Variants in DMD observed in about 807,000 individuals in gnomAD.
DMD encodes mutant dystrophin.
In DMD, 63 loss-of-function variants were observed where a neutral mutation model predicts 330.1. The observed-to-expected ratio is 0.19, with a 90% confidence interval of 0.16 to 0.24. The LOEUF is 0.24. Among genes scored for constraint, DMD ranks in the 10% least tolerant of loss-of-function variants. The pLI is 1.00. For missense variants in DMD, 3,344 were observed against 2,684.1 expected, an observed-to-expected ratio of 1.25 and a Z score of -5.43; for synonymous variants, 1,223 against 959.8, an observed-to-expected ratio of 1.27 and a Z score of -5.07.
chrX:31,869,398 G>A (rs1298871365), intron 48 of DMD, among the ~76,000 whole-genome samples: 1 of 84,981 alleles, frequency 1.2e-5, no homozygotes, highest in Non-Finnish European at 2.3e-5. Context: ...CTTTGTAAAC[G>A]ACATGATTTT....
At position 32,113,554 on chromosome X, in the gene DMD, T is replaced by A. The variant is rs776366228; in HGVS notation, c.6438+103362A>T. ...AGAATGAAAGATGACATGACTCTGA[T>A]GACTTTTTCCATGCCCTATTTCCAG... is the stretch of plus-strand genomic sequence containing the variant. On this transcript the variant is annotated intron_variant, in intron 44 of 78. Coordinates refer to ENST00000357033, the MANE Select transcript of DMD (RefSeq NM_004006.3). Among the ~76,000 whole-genome samples the A allele has an allele frequency of 5.4e-5, 6 of 112,074 alleles. No individual in the cohort carries two copies. The South Asian group carries it at 1.9e-3, about 35-fold the overall frequency.
At chrX:32,693,296 T>A (rs1603086790) in intron 9 of DMD, among the ~76,000 whole-genome samples, 1 of 112,288 alleles carries the variant, frequency 8.9e-6, no homozygotes, top group Admixed American at 9.5e-5. Flanking sequence ...ACTAAAGAAC[T>A]GTAAAATAAT....
chrX:32,350,717 A>G (rs1358574616), intron 37 of DMD, among the ~76,000 whole-genome samples: 1 of 111,106 alleles, frequency 9.0e-6, no homozygotes, highest in African/African-American at 3.3e-5. Context: ...TATGCTATTT[A>G]TTTGCTGAAG....
intron 74 of DMD, among the ~76,000 whole-genome samples, chrX:31,154,190 A>G (rs953992795): frequency 9.8e-5 from 11 of 112,454 alleles, no homozygotes; most frequent in Non-Finnish European, 1.9e-4. Context: ...CCATAATGTT[A>G]GTTTTGATGC....
intron 26 of DMD, among the ~76,000 whole-genome samples, chrX:32,453,788 T>A (rs1288009942): frequency 9.0e-6 from 1 of 111,124 alleles, no homozygotes; most frequent in Non-Finnish European, 1.9e-5. Flanking sequence ...TAAACTCAAG[T>A]ATCTGGCTCC....
At position 31,430,540 on chromosome X, in the gene DMD, T is replaced by C. The variant is rs149708108; in HGVS notation, c.9084+13941A>G. Among the ~76,000 whole-genome samples the C allele has an allele frequency of 7.6e-3, 843 of 111,343 alleles. 8 individuals carry two copies. Among genetic ancestry groups the C allele is most frequent in the African/African-American group, 0.027 (813 of 30,643 alleles). On this transcript the variant is annotated intron_variant, in intron 60 of 78. Coordinates refer to ENST00000357033, the MANE Select transcript of DMD (RefSeq NM_004006.3). The stretch of plus-strand genomic sequence containing the variant: ...AAGTGTACACTCAACAGATAAGCAG[T>C]AGGTAGCATTCATAATGGGAAAATA...
chrX:31,962,312 T>A (rs1469085240), intron 45 of DMD, among the ~76,000 whole-genome samples: 1 of 111,628 alleles, frequency 9.0e-6, no homozygotes. Flanking sequence ...ATCAAATATC[T>A]ATGGAAAAGC....
intron 64 of DMD, among the ~76,000 whole-genome samples, chrX:31,219,079 C>G (rs1181532130): frequency 9.0e-6 from 1 of 111,716 alleles, no homozygotes; most frequent in Non-Finnish European, 1.9e-5. Context: ...TTCTCTCTGA[C>G]CACAACTTCT....
rs1569550753 is a variant in DMD, at chrX:32,205,037, A to ACACACACACACC, written c.6438+11878_6438+11879insGGTGTGTGTGTG. Among the ~76,000 whole-genome samples the ACACACACACACC allele has an allele frequency of 3.4e-5, 3 of 87,370 alleles. No individual in the cohort carries two copies. In the East Asian group the frequency reaches 9.6e-4, roughly 28 times the overall value. 75.9% of individuals were successfully genotyped at this position (87,370 alleles called of 115,157 possible). Reference sequence around the variant, plus strand: ...CACACACACACACACACACACACACACACACCCACACACACACAGTCGCAA... The same window carrying ACACACACACACC: ...CACACACACACACACACACACACACACACACACACACCCACACCCACACACACACAGTCGCAA... On this transcript the variant is annotated intron_variant, in intron 44 of 78. Transcript: ENST00000357033.
At position 32,588,268 on chromosome X, in the gene DMD, C is replaced by T. The variant is rs575323075; in HGVS notation, c.1602+7489G>A. Among the ~76,000 whole-genome samples the T allele has an allele frequency of 5.4e-5, 6 of 111,999 alleles. No homozygotes were observed. In the South Asian group the frequency reaches 2.3e-3, roughly 42 times the overall value. On this transcript the variant is annotated intron_variant, in intron 13 of 78. Transcript: ENST00000357033. ...AGTATATGATCGGTGCCCAAACAGA[C>T]ACAATTAGGGTACAGACATGGCACA...
At chrX:31,875,501 G>T in intron 47 of DMD, 128 bp from the exon 48 acceptor site, 3 of 541,620 alleles carry the variant, frequency 5.5e-6, no homozygotes, top group African/African-American at 2.3e-5. Context: ...TGTTATTTTA[G>T]CAGCATAATA....
chrX:31,506,063 T>G (rs1445740659), intron 56 of DMD, among the ~76,000 whole-genome samples: 1 of 112,015 alleles, frequency 8.9e-6, no homozygotes, highest in African/African-American at 3.3e-5. Context: ...CTCTTAGGGT[T>G]GCTGAGAGCA....
chrX:32,489,670 A>G (rs2042809888), intron 20 of DMD, among the ~76,000 whole-genome samples: 1 of 111,666 alleles, frequency 9.0e-6, no homozygotes, highest in Admixed American at 9.5e-5. Flanking sequence ...ACTCAGTAGC[A>G]TTCTTAAACA....
chrX:32,252,630 GTA>G (rs1226798950), intron 43 of DMD, among the ~76,000 whole-genome samples: 2 of 51,653 alleles, frequency 3.9e-5, no homozygotes, highest in Admixed American at 3.1e-4. Context: ...ATAAATATGT[GTA>G]TATATAAATA....
At chrX:31,969,502 T>C (rs149691803) in intron 44 of DMD, among the ~76,000 whole-genome samples, 46 of 111,179 alleles carry the variant, frequency 4.1e-4, no homozygotes, top group African/African-American at 1.5e-3. Flanking sequence ...TGTGCGTATG[T>C]AGAAAACTCT....
At chrX:32,872,942 T>C (rs1425518511) in intron 2 of DMD, among the ~76,000 whole-genome samples, 1 of 111,955 alleles carries the variant, frequency 8.9e-6, no homozygotes, top group Non-Finnish European at 1.9e-5. Context: ...ATTTTAAAAC[T>C]CTTAGTGGTG....
At chrX:31,810,659 G>A (rs1245620653) in intron 50 of DMD, among the ~76,000 whole-genome samples, 1 of 112,006 alleles carries the variant, frequency 8.9e-6, no homozygotes, top group Non-Finnish European at 1.9e-5. Context: ...TCTTAAAATC[G>A]ACAATTGAAG....
chrX:32,923,337 G>C (rs1303947151), intron 2 of DMD, among the ~76,000 whole-genome samples: 2 of 111,004 alleles, frequency 1.8e-5, no homozygotes, highest in Non-Finnish European at 3.8e-5. Flanking sequence ...AAGGCAGGGG[G>C]ATCACTTGAG....
chrX:32,827,861 A>C (rs983078414), intron 4 of DMD, among the ~76,000 whole-genome samples: 13 of 110,243 alleles, frequency 1.2e-4, no homozygotes, highest in Non-Finnish European at 1.7e-4. Flanking sequence ...GGGTTTCTCC[A>C]TGTTGGTCAG....
Sources: allele counts gnomAD v4.1 joint callset (sites outside exome capture counted in the v4.1 genomes callset), GRCh38; gene constraint gnomAD v4.1.1; transcripts MANE v1.5; gene names NCBI Gene and HGNC (gene_info 2026-07-23, HGNC 2026-07-21).